The following STX8 variants were observed in gnomAD, a reference collection of about 807,000 sequenced individuals.
The protein encoded by STX8 is syntaxin 8.
A neutral mutation model predicts 37.5 loss-of-function variants in STX8; 23 were observed. The observed-to-expected ratio is 0.61, with a 90% confidence interval of 0.44 to 0.87. STX8 has a LOEUF of 0.87. Ranked by LOEUF, STX8 falls within the 40% of genes least tolerant of loss-of-function variation. STX8 has a pLI of 0.00. For missense variants in STX8, 313 were observed against 284.7 expected (o/e 1.10, Z -0.71); for synonymous variants, 115 against 99.1 (o/e 1.16, Z -0.95).
At chr17:9,465,265 A>G (rs2142427721) in intron 6 of STX8, among the ~76,000 whole-genome samples, 1 of 152,194 alleles carries the variant, frequency 6.6e-6, no homozygotes, top group African/African-American at 2.4e-5. Flanking sequence ...CTAGTGTTAT[A>G]GCTAAACAGA....
chr17:9,441,708 G>A (rs1410372274), intron 6 of STX8, among the ~76,000 whole-genome samples: 4 of 119,496 alleles, frequency 3.3e-5, no homozygotes, highest in Admixed American at 2.3e-4. Flanking sequence ...ACGGAGTCTC[G>A]CTCTGTGCCA....
In STX8 at chr17:9,436,223, T is replaced by C. The variant is rs146069812; in HGVS notation, c.541+55606A>G. Among the ~76,000 whole-genome samples the C allele has an allele frequency of 3.3e-5, 5 of 150,688 alleles. No individual in the cohort carries two copies. In the East Asian group the frequency reaches 9.7e-4, roughly 29 times the overall value. ...AGCTGGGAGTGGTGACGGGCGCCTGTAGTCCCAGCTACTTGGGGGGCTGAG... is the reference window on the plus strand; with the variant it reads ...AGCTGGGAGTGGTGACGGGCGCCTGCAGTCCCAGCTACTTGGGGGGCTGAG... On this transcript the variant is annotated intron_variant, in intron 6 of 7. Transcript: ENST00000306357.
chr17:9,305,287 T>G (rs1908939966), intron 7 of STX8, among the ~76,000 whole-genome samples: 1 of 152,064 alleles, frequency 6.6e-6, no homozygotes, highest in Non-Finnish European at 1.5e-5. Context: ...GAGATGGGGT[T>G]GCACCATGTT....
At chr17:9,567,777 C>T (rs1907520643) in intron 2 of STX8, among the ~76,000 whole-genome samples, 1 of 152,158 alleles carries the variant, frequency 6.6e-6, no homozygotes, top group Non-Finnish European at 1.5e-5. Flanking sequence ...GCCTCCACCT[C>T]CCAGGTTCAA....
chr17:9,383,784 T>C (rs948365451), intron 6 of STX8, among the ~76,000 whole-genome samples: 26 of 152,166 alleles, frequency 1.7e-4, no homozygotes, highest in Non-Finnish European at 2.9e-4. Flanking sequence ...ATACAGTCAA[T>C]AGTAAAAGGC....
Position 9,274,714 on chromosome 17 carries a change from T to TAAA in STX8, c.644-24072_644-24070dup, listed in dbSNP as rs1231047442. Among the ~76,000 whole-genome samples the TAAA allele has an allele frequency of 1.1e-4, 9 of 85,000 alleles. 2 individuals carry two copies. The highest frequency in any genetic ancestry group is 3.5e-4 in the African/African-American group (9 of 26,082). The allele number at this position is 85,000 out of a possible 152,430, so 55.8% of individuals were successfully genotyped here. Reference sequence around the variant, plus strand: ...ATAATAATAATAATAATAATAATAATAAACAAAGTCTTCAAAAATACAACA... The same window carrying TAAA: ...ATAATAATAATAATAATAATAATAATAAAAAACAAAGTCTTCAAAAATACAACA... On this transcript the variant is annotated intron_variant, in intron 7 of 7. Transcript: ENST00000306357.
At chr17:9,353,478 A>C (rs1482442764) in intron 7 of STX8, among the ~76,000 whole-genome samples, 2 of 152,206 alleles carry the variant, frequency 1.3e-5, no homozygotes, top group East Asian at 3.8e-4. Context: ...TTATTTACTT[A>C]AAGTAGCAGC....
chr17:9,399,594 G>A (rs752281997), intron 6 of STX8, among the ~76,000 whole-genome samples: 19 of 151,986 alleles, frequency 1.3e-4, no homozygotes, highest in Non-Finnish European at 1.8e-4. Flanking sequence ...GGCCGGGTGC[G>A]GTGGCTCACA....
chr17:9,345,942 C>A (rs965980098), intron 7 of STX8, among the ~76,000 whole-genome samples: 1 of 140,062 alleles, frequency 7.1e-6, no homozygotes, highest in African/African-American at 2.6e-5. Context: ...ACCTCCGCGT[C>A]CTGGGTTCAA....
At chr17:9,414,771 A>G (rs1397718874) in intron 6 of STX8, among the ~76,000 whole-genome samples, 1 of 140,074 alleles carries the variant, frequency 7.1e-6, no homozygotes, top group Non-Finnish European at 1.5e-5. Flanking sequence ...GGAAACTGAT[A>G]CCTGAGTTCT....
chr17:9,466,437 G>A (rs575268550), intron 6 of STX8, among the ~76,000 whole-genome samples: 8 of 152,222 alleles, frequency 5.3e-5, no homozygotes, highest in African/African-American at 1.4e-4. Flanking sequence ...TTCATTAATC[G>A]CCCTGGGAGA....
intron 3 of STX8, among the ~76,000 whole-genome samples, chr17:9,545,801 G>A (rs1418170818): frequency 3.3e-5 from 5 of 152,162 alleles, no homozygotes; most frequent in Non-Finnish European, 5.9e-5. Flanking sequence ...GGCTGGTCTC[G>A]AACTCATGAC....
chr17:9,463,697 T>C (rs943452306), intron 6 of STX8, among the ~76,000 whole-genome samples: 3 of 152,080 alleles, frequency 2.0e-5, no homozygotes, highest in African/African-American at 7.2e-5. Flanking sequence ...CACCTGAGGT[T>C]GGGAGTTTGA....
intron 7 of STX8, among the ~76,000 whole-genome samples, chr17:9,274,678 A>AAATAATAATAAT (rs57248368): frequency 0.024 from 2,523 of 106,568 alleles, 89 homozygotes; most frequent in Middle Eastern, 0.055. Context: ...TCTGTCTCAA[A>AAATAATAATAAT]AATAATAATA....
intron 7 of STX8, among the ~76,000 whole-genome samples, chr17:9,254,222 T>C (rs904461650): frequency 6.6e-6 from 1 of 152,174 alleles, no homozygotes; most frequent in Non-Finnish European, 1.5e-5. Context: ...AACAGGCTGA[T>C]GCAGAAGGTA....
chr17:9,397,979 T>G (rs1464303295), intron 6 of STX8, among the ~76,000 whole-genome samples: 1 of 133,094 alleles, frequency 7.5e-6, no homozygotes, highest in African/African-American at 2.9e-5. Flanking sequence ...CAGAGTGAGA[T>G]TCTGTCTCCA....
At chr17:9,257,558 C>T (rs1004205595) in intron 7 of STX8, among the ~76,000 whole-genome samples, 5 of 151,982 alleles carry the variant, frequency 3.3e-5, no homozygotes, top group African/African-American at 9.7e-5. Flanking sequence ...TGCAGGGGAA[C>T]GTGGCAAGTA....
intron 6 of STX8, among the ~76,000 whole-genome samples, chr17:9,397,008 C>T (rs922187617): frequency 6.6e-6 from 1 of 152,214 alleles, no homozygotes; most frequent in Non-Finnish European, 1.5e-5. Context: ...AAGGGACTTG[C>T]ACATAAGCCC....
intron 7 of STX8, among the ~76,000 whole-genome samples, chr17:9,268,619 C>T (rs1356403739): frequency 1.3e-5 from 2 of 152,188 alleles, no homozygotes; most frequent in African/African-American, 4.8e-5. Flanking sequence ...AAAAGTGGTC[C>T]TTCACATAGG....
Sources: gnomAD v4.1 joint callset for allele counts (sites outside exome capture counted in the v4.1 genomes callset) on GRCh38, gnomAD v4.1.1 for gene constraint, MANE v1.5 for transcripts, NCBI Gene and HGNC (gene_info 2026-07-23, HGNC 2026-07-21) for gene names.